Variants in ECT2L observed in about 807,000 individuals in gnomAD.
ECT2L encodes epithelial cell-transforming sequence 2 oncogene-like.
ECT2L carries 126 observed loss-of-function variants against 122.8 expected under a neutral mutation model. The ratio of observed to expected loss-of-function variants is 1.03; its 90% CI spans 0.89 to 1.19. ECT2L has a LOEUF of 1.19. ECT2L is among the 50% of genes most tolerant of loss of function. The pLI, the probability that ECT2L is intolerant of heterozygous loss-of-function variation, is 0.00. For synonymous variants in ECT2L, 385 were observed against 381.8 expected (o/e 1.01, Z -0.10); for missense variants, 1,012 against 1,064.1 (o/e 0.95, Z 0.68).
In ECT2L at chr6:138,882,779, G is replaced by A. The variant is rs778152384; in HGVS notation, c.1936G>A (p.Val646Met). The A allele has an allele frequency of 1.2e-6, 2 of 1,614,102 alleles. No homozygotes were observed. The change falls in exon 16 of 22, where the codon GTG becomes ATG. Residue 646 changes from valine (V) to methionine (M), a missense_variant. Coordinates refer to ENST00000541398, the MANE Select transcript of ECT2L (RefSeq NM_001077706.3). ...GCAGGAATGGGGCCCAGCTCACTGT[G>A]TGGGAGAAATAGTCACGAAGTTTGG... is the stretch of plus-strand genomic sequence containing the variant. ...RLQEWGPAHCVGEIVTKFGSQ... is the reference protein window; with the variant it reads ...RLQEWGPAHCMGEIVTKFGSQ...
intron 1 of ECT2L, among the ~76,000 whole-genome samples, chr6:138,796,717 A>G (rs1252640366): frequency 6.6e-6 from 1 of 152,254 alleles, no homozygotes; most frequent in African/African-American, 2.4e-5. Context: ...CAGGACAAAT[A>G]AAACAGTGGT....
intron 4 of ECT2L, among the ~76,000 whole-genome samples, chr6:138,826,781 C>T (rs983239784): frequency 2.0e-5 from 3 of 152,152 alleles, no homozygotes; most frequent in South Asian, 2.1e-4. Context: ...GTTTGGGTCA[C>T]GGGGGGCAGA....
chr6:138,844,795 CTTT>C (rs11398299), intron 7 of ECT2L, among the ~76,000 whole-genome samples: 5 of 126,656 alleles, frequency 3.9e-5, no homozygotes, highest in East Asian at 2.3e-4. Context: ...TTTAAATGTT[CTTT>C]TTTTTTTTTT....
intron 4 of ECT2L, among the ~76,000 whole-genome samples, chr6:138,825,452 G>C (rs367721002): frequency 6.6e-6 from 1 of 151,978 alleles, no homozygotes; most frequent in East Asian, 1.9e-4. Flanking sequence ...TGTGGTGGGG[G>C]GGCACCTGTA....
rs1583548717 is a variant in ECT2L, at chr6:138,814,375, T to C, written c.67-116T>C. 4 of 597,952 alleles carry C rather than the reference T, an allele frequency of 6.7e-6. No individual in the cohort carries two copies. In the East Asian group the frequency reaches 1.1e-4, roughly 17 times the overall value. The allele number at this position is 597,952 out of a possible 1,614,324, so 37.0% of individuals were successfully genotyped here. A position where few individuals can be genotyped will look rare whatever the true frequency, so the allele number is the denominator to read the frequency against. ...ATATGTGAAAGCGCTCTGTGAACTG[T>C]AATGCACTCTGCAAATATTAGCTGT... is the stretch of plus-strand genomic sequence containing the variant. On this transcript the variant is annotated intron_variant, in intron 3 of 21. Transcript: ENST00000541398.
intron 20 of ECT2L, among the ~76,000 whole-genome samples, chr6:138,897,846 T>G (rs952187309): frequency 5.3e-5 from 8 of 152,072 alleles, no homozygotes; most frequent in Non-Finnish European, 1.2e-4. Context: ...AAACTGGAAT[T>G]CTCTTTCATT....
At chr6:138,846,716 T>G in intron 8 of ECT2L, 39 bp downstream of exon 8, 1 of 1,413,376 alleles carries the variant, frequency 7.1e-7, no homozygotes, top group African/African-American at 1.5e-5. Flanking sequence ...CCTGATTGTT[T>G]TTTTGTTTTT....
Position 138,843,055 on chromosome 6 carries a change from C to A in ECT2L, c.419C>A (p.Ala140Asp). The change falls in exon 6 of 22, where the codon GCT (alanine) becomes GAT (aspartate). Residue 140 changes from alanine (A) to aspartate (D), a missense_variant. By Grantham distance (126) the Ala-to-Asp change is moderately radical. Coordinates refer to ENST00000541398, the MANE Select transcript of ECT2L (RefSeq NM_001077706.3). Reference sequence around the variant, plus strand: ...ACTCCAACAGATAATGAGTATGGTGCTTGGAAGCGCCATTACATTGCTTGT... The same window carrying A: ...ACTCCAACAGATAATGAGTATGGTGATTGGAAGCGCCATTACATTGCTTGT... ...PYTPTDNEYGAWKRHYIACVS... is the reference protein window; with the variant it reads ...PYTPTDNEYGDWKRHYIACVS... The A allele has an allele frequency of 6.2e-7, 1 of 1,613,590 alleles. No individual in the cohort carries two copies. Among genetic ancestry groups the A allele is most frequent in the Non-Finnish European group, 8.5e-7 (1 of 1,179,666 alleles).
At chr6:138,881,331 C>A (rs1198062882) in intron 15 of ECT2L, among the ~76,000 whole-genome samples, 160 bp downstream of exon 15, 26 of 152,002 alleles carry the variant, frequency 1.7e-4, no homozygotes, top group Non-Finnish European at 4.4e-5. Flanking sequence ...TACCGGGCTG[C>A]AACCAGTAGT....
chr6:138,857,249 TC>T (rs1357204598), intron 10 of ECT2L, among the ~76,000 whole-genome samples: 1 of 152,170 alleles, frequency 6.6e-6, no homozygotes. Flanking sequence ...AAGCTTTCCC[TC>T]ACCACTTTTT....
intron 15 of ECT2L, 42 bp downstream of exon 15, chr6:138,881,213 C>T: frequency 2.6e-6 from 4 of 1,555,192 alleles, no homozygotes; most frequent in Non-Finnish European, 3.5e-6. Context: ...TCATTGTGCA[C>T]TGAGAAGAGC....
intron 4 of ECT2L, among the ~76,000 whole-genome samples, chr6:138,830,424 C>A (rs1212350430): frequency 6.6e-6 from 1 of 152,110 alleles, no homozygotes; most frequent in Non-Finnish European, 1.5e-5. Flanking sequence ...TGGCTGTGTT[C>A]CAGTAACATT....
intron 15 of ECT2L, among the ~76,000 whole-genome samples, chr6:138,881,386 G>A (rs1778641644): frequency 6.6e-6 from 1 of 151,996 alleles, no homozygotes; most frequent in Admixed American, 6.6e-5. Flanking sequence ...CATGGTGCAA[G>A]GAGTGGTGTT....
At chr6:138,803,506 A>G (rs1445733902) in intron 1 of ECT2L, among the ~76,000 whole-genome samples, 5 of 152,196 alleles carry the variant, frequency 3.3e-5, no homozygotes, top group African/African-American at 1.2e-4. Flanking sequence ...TGGCTCTTGG[A>G]TTTCACATAA....
At chr6:138,887,086 G>T (rs1052838683) in intron 19 of ECT2L, among the ~76,000 whole-genome samples, 164 bp downstream of exon 19, 4 of 152,148 alleles carry the variant, frequency 2.6e-5, no homozygotes, top group African/African-American at 9.7e-5. Context: ...TTACCTGCAA[G>T]GTTGCTCTAT....
rs934636914 is a variant in ECT2L at position 138,899,802 on chromosome 6, C to T, written c.2415-1146C>T. ...ACATTTAGTTTGCTTCACTTAGCCA[C>T]CCCTGGTGGGGAGGGGGAATTGGGG... On this transcript the variant is annotated intron_variant, in intron 20 of 21. Coordinates refer to ENST00000541398, the MANE Select transcript of ECT2L (RefSeq NM_001077706.3). 2.0e-5 allele frequency among the ~76,000 whole-genome samples: 3 copies of T among 151,824 alleles called. No individual in the cohort carries two copies. The South Asian group carries it at 6.3e-4, about 32-fold the overall frequency.
chr6:138,826,189 A>G (rs1013770648), intron 4 of ECT2L, among the ~76,000 whole-genome samples: 1 of 152,130 alleles, frequency 6.6e-6, no homozygotes, highest in Non-Finnish European at 1.5e-5. Flanking sequence ...TTAGTAATTC[A>G]TATTCCAATT....
rs1226130072 is a variant in ECT2L at position 138,865,013 on chromosome 6, G to A, written c.1309G>A (p.Gly437Arg). ...CATGTCAGTTCTTAGTGATTGGCTG[G>A]GATCCCAATGGGGAAAGGCCCCCTC... is the stretch of plus-strand genomic sequence containing the variant. ...SYQHILSDWL[G>R]SQWGKAPSSI... Residue 437 changes from glycine (G) to arginine (R), a missense_variant, in exon 12 of 22, where the codon GGA (glycine) becomes AGA (arginine). Gly to Arg is a moderately radical substitution (Grantham distance 125). Coordinates refer to ENST00000541398, the MANE Select transcript of ECT2L (RefSeq NM_001077706.3). 10 of 1,612,908 alleles carry A rather than the reference G, an allele frequency of 6.2e-6. No individual in the cohort carries two copies. Among genetic ancestry groups the A allele is most frequent in the Non-Finnish European group, 8.5e-6 (10 of 1,179,736 alleles).
intron 4 of ECT2L, among the ~76,000 whole-genome samples, chr6:138,819,258 C>A (rs1188592134): frequency 6.8e-6 from 1 of 146,014 alleles, no homozygotes; most frequent in East Asian, 2.0e-4. Context: ...AAAAGGAAAT[C>A]ATTGCGTTTT....
Sources: allele counts gnomAD v4.1 joint callset (sites outside exome capture counted in the v4.1 genomes callset), GRCh38; gene constraint gnomAD v4.1.1; transcripts MANE v1.5; gene names NCBI Gene and HGNC (gene_info 2026-07-23, HGNC 2026-07-21).